Variants in LRRK2 observed in about 807,000 individuals in gnomAD.
The protein encoded by LRRK2 is leucine rich repeat kinase 2, also known as leucine-rich repeat serine/threonine-protein kinase 2.
LRRK2 carries 203 observed loss-of-function variants against 302.6 expected under a neutral mutation model. The ratio of observed to expected loss-of-function variants is 0.67; its 90% CI spans 0.60 to 0.75. The LOEUF (loss-of-function observed/expected upper bound fraction) is 0.75, where lower values mean the gene tolerates loss of function less well. LRRK2 is among the 30% of genes least tolerant of loss of function. The pLI is 0.00. For synonymous variants in LRRK2, 1,066 were observed against 1,031.9 expected, an observed-to-expected ratio of 1.03 and a Z score of -0.63; for missense variants, 2,830 against 2,951.0, an observed-to-expected ratio of 0.96 and a Z score of 0.95.
chr12:40,268,100 G>A (rs1943097135), intron 14 of LRRK2, among the ~76,000 whole-genome samples: 1 of 152,128 alleles, frequency 6.6e-6, no homozygotes. Context: ...TTCCATTTAT[G>A]CCTGATCCTT....
At position 40,310,425 on chromosome 12, in the gene LRRK2, C is replaced by T. The variant is rs56082834; in HGVS notation, c.4318-6C>T. On this transcript the variant is annotated splice_region_variant and splice_polypyrimidine_tract_variant and intron_variant, in intron 30 of 50. Coordinates refer to ENST00000298910, the MANE Select transcript of LRRK2 (RefSeq NM_198578.4). Reference sequence around the variant, plus strand: ...ACACAAGAGGGTTTTGTGTCTTTCCCTCCAGGCTCGCGCTTCTTCTTCCCC... The same window carrying T: ...ACACAAGAGGGTTTTGTGTCTTTCCTTCCAGGCTCGCGCTTCTTCTTCCCC... 5.9e-4 allele frequency: 959 copies of T among 1,612,890 alleles called. 6 individuals carry two copies. The African/African-American group carries it at 0.01, about 17-fold the overall frequency.
At position 40,340,501 on chromosome 12, in the gene LRRK2, C is replaced by T. The variant is rs989552512; in HGVS notation, c.6109+47C>T. On this transcript the variant is annotated intron_variant, in intron 41 of 50. Transcript: ENST00000298910. The stretch of plus-strand genomic sequence containing the variant: ...ATAATTCTATCTTCAGGATGGATAA[C>T]CACTGACCTCAGATGTGAGTTCAGA... 23 of 1,590,126 alleles carry T rather than the reference C, an allele frequency of 1.4e-5. No individual in the cohort carries two copies. The African/African-American group carries it at 2.8e-4, about 20-fold the overall frequency.
chr12:40,264,532 T>C (rs1055019180), intron 14 of LRRK2, among the ~76,000 whole-genome samples: 3 of 152,140 alleles, frequency 2.0e-5, no homozygotes, highest in African/African-American at 7.2e-5. Context: ...GGCAGGAGAA[T>C]CGCTTGAACC....
At position 40,310,783 on chromosome 12, in the gene LRRK2, G is replaced by GTC. The variant is rs943481971; in HGVS notation, c.4536+135_4536+136dup. On this transcript the variant is annotated intron_variant, in intron 31 of 50. Coordinates refer to ENST00000298910, the MANE Select transcript of LRRK2 (RefSeq NM_198578.4). ...CCTTGTTGCTGTTAGCATTATTAAA[G>GTC]TCCTTTCCATTTTAAAATTATTTAT... 6.1e-6 allele frequency: 5 copies of GTC among 813,794 alleles called. No homozygotes were observed. In the African/African-American group the frequency reaches 8.7e-5, roughly 14 times the overall value. 50.4% of individuals were successfully genotyped at this position (813,794 alleles called of 1,614,324 possible). A position where few individuals can be genotyped will look rare whatever the true frequency, so the allele number is the denominator to read the frequency against.
Position 40,225,246 on chromosome 12 carries a change from C to A in LRRK2, c.115C>A (p.Leu39Met), listed in dbSNP as rs1455437751. 6.2e-7 allele frequency: 1 copy of A among 1,614,042 alleles called. No individual in the cohort carries two copies. Among genetic ancestry groups the A allele is most frequent in the East Asian group, 2.2e-5 (1 of 44,898 alleles). Residue 39 changes from leucine to methionine, a missense_variant, in exon 1 of 51, where the codon CTG (leucine) becomes ATG (methionine). This residue lies in a region of LRRK2 where 2,121 missense variants were observed against 2,148.0 expected (regional missense o/e 0.99). Transcript: ENST00000298910. ...GKQIETLVQI[L>M]EDLLVFTYSE... ...ACAGATAGAAACGCTGGTCCAAATC[C>A]TGGAGGATCTGCTGGTGTTCACGTA...
chr12:40,238,155 T>C (rs918167373), intron 5 of LRRK2, 52 bp downstream of exon 5: 2 of 1,557,454 alleles, frequency 1.3e-6, no homozygotes, highest in African/African-American at 1.4e-5. Context: ...AAAAGGCTTA[T>C]ACTGGGAAAA....
intron 26 of LRRK2, among the ~76,000 whole-genome samples, chr12:40,303,248 G>A (rs1944693172): frequency 6.6e-6 from 1 of 152,062 alleles, no homozygotes; most frequent in South Asian, 2.1e-4. Flanking sequence ...AGTTATGTTT[G>A]AGTGAAATTT....
At chr12:40,313,417 A>G (rs575538140) in intron 31 of LRRK2, among the ~76,000 whole-genome samples, 1 of 152,014 alleles carries the variant, frequency 6.6e-6, no homozygotes, top group Non-Finnish European at 1.5e-5. Context: ...ATGATTTCTC[A>G]TTTTCCCAAG....
chr12:40,270,469 T>G (rs982953263), intron 14 of LRRK2, among the ~76,000 whole-genome samples: 2 of 152,178 alleles, frequency 1.3e-5, no homozygotes, highest in African/African-American at 2.4e-5. Flanking sequence ...TATTTAATGT[T>G]TATATTTTGT....
In LRRK2 at chr12:40,320,141, C is replaced by A. The variant is rs766206415; in HGVS notation, c.4981C>A (p.Pro1661Thr). The change falls in exon 34 of 51, where the codon CCA becomes ACA. Residue 1661 changes from proline to threonine, a missense_variant. By Grantham distance (38) the Pro-to-Thr change is conservative. Transcript: ENST00000298910. ...KLLEKFQIALPIGEEYLLVPS... is the reference protein window; with the variant it reads ...KLLEKFQIALTIGEEYLLVPS... ...CCTAGAAAAATTCCAGATTGCTTTG[C>A]CAATAGGAGAAGAATATTTGCTGGT... The A allele has an allele frequency of 3.4e-5, 55 of 1,611,654 alleles. No individual in the cohort carries two copies. Among genetic ancestry groups the A allele is most frequent in the Non-Finnish European group, 4.6e-5 (54 of 1,178,814 alleles).
At chr12:40,262,802 G>T (rs1942833942) in intron 13 of LRRK2, among the ~76,000 whole-genome samples, 1 of 152,152 alleles carries the variant, frequency 6.6e-6, no homozygotes, top group Non-Finnish European at 1.5e-5. Flanking sequence ...AGGTGTAATA[G>T]GCAGCCTCAG....
In LRRK2 at chr12:40,305,862, C is replaced by T. The variant is rs1435088096; in HGVS notation, c.3855C>T (p.Pro1285=). Residue 1285 remains proline, a synonymous_variant, in exon 28 of 51, where the codon CCC becomes CCT. Transcript: ENST00000298910. ...VSYNLELRSF[P]NEMGKLSKIW... ...ACAACTTGGAACTAAGATCCTTTCC[C>T]AATGAAATGGGGAAATTAAGCAAAA... is the stretch of plus-strand genomic sequence containing the variant. 1.9e-6 allele frequency: 3 copies of T among 1,613,422 alleles called. No individual in the cohort carries two copies. Among genetic ancestry groups the T allele is most frequent in the Non-Finnish European group, 8.5e-7 (1 of 1,179,616 alleles).
intron 29 of LRRK2, among the ~76,000 whole-genome samples, 171 bp from the exon 30 acceptor site, chr12:40,308,935 G>A (rs1221212776): frequency 6.6e-6 from 1 of 152,176 alleles, no homozygotes; most frequent in Non-Finnish European, 1.5e-5. Flanking sequence ...TATGCTAAAA[G>A]TGGTCAATCC....
intron 47 of LRRK2, 44 bp from the exon 48 acceptor site, chr12:40,363,358 A>C: frequency 6.3e-7 from 1 of 1,590,042 alleles, no homozygotes; most frequent in Non-Finnish European, 8.6e-7. Flanking sequence ...AAATTTTAAG[A>C]AGAAAACAAA....
chr12:40,312,489 A>AT lies in LRRK2; in HGVS notation c.4537-1477dup, dbSNP rs539549494. Among the ~76,000 whole-genome samples the AT allele has an allele frequency of 1.2e-4, 19 of 152,140 alleles. No individual in the cohort carries two copies. In the East Asian group the frequency reaches 3.5e-3, roughly 28 times the overall value. The stretch of plus-strand genomic sequence containing the variant: ...AGCAGCTTTTAATCTATTAGAGATC[A>AT]TTTTTTGTCCTCTCATTTATTTTTC... On this transcript the variant is annotated intron_variant, in intron 31 of 50. Transcript: ENST00000298910.
chr12:40,282,336 C>A (rs1183443353), intron 18 of LRRK2, among the ~76,000 whole-genome samples: 2 of 151,790 alleles, frequency 1.3e-5, no homozygotes, highest in Admixed American at 6.6e-5. Flanking sequence ...AGTTGGATTG[C>A]AGTAATGTAA....
intron 21 of LRRK2, among the ~76,000 whole-genome samples, chr12:40,294,522 A>T (rs1378351726): frequency 3.3e-5 from 5 of 152,070 alleles, no homozygotes; most frequent in Non-Finnish European, 7.4e-5. Context: ...GCTCTTTCGA[A>T]TTTATATATA....
At chr12:40,233,854 A>G (rs1941313540) in intron 3 of LRRK2, among the ~76,000 whole-genome samples, 1 of 152,214 alleles carries the variant, frequency 6.6e-6, no homozygotes, top group African/African-American at 2.4e-5. Flanking sequence ...CACTTTGTTC[A>G]TCCAGTCATT....
Position 40,335,084 on chromosome 12 carries a change from C to A in LRRK2, c.5875C>A (p.Leu1959Ile). Reference protein sequence around the residue: ...LASKGSLDRLLQQDKASLTRT... With the variant: ...LASKGSLDRLIQQDKASLTRT... ...CTCCAAGGGTTCCTTGGATCGCCTGCTTCAGCAGGACAAAGCCAGCCTCAC... is the reference window on the plus strand; with the variant it reads ...CTCCAAGGGTTCCTTGGATCGCCTGATTCAGCAGGACAAAGCCAGCCTCAC... Residue 1959 changes from leucine to isoleucine, a missense_variant, in exon 40 of 51, where the codon CTT becomes ATT. By Grantham distance (5) the Leu-to-Ile change is conservative. Around this residue, in one of 3 missense-constraint regions of LRRK2, gnomAD observed 253 missense variants for 346.7 expected, o/e 0.73. Transcript: ENST00000298910. The A allele has an allele frequency of 1.2e-6, 2 of 1,614,088 alleles. No homozygotes were observed. The highest frequency in any genetic ancestry group is 1.7e-6 in the Non-Finnish European group (2 of 1,179,994).
Sources: gnomAD v4.1 joint callset for allele counts (sites outside exome capture counted in the v4.1 genomes callset) on GRCh38, gnomAD v4.1.1 for gene constraint, gnomAD v4.1.1 regional missense constraint, MANE v1.5 for transcripts, NCBI Gene and HGNC (gene_info 2026-07-23, HGNC 2026-07-21) for gene names.